The following DAPK1 variants were observed in gnomAD, a reference collection of about 807,000 sequenced individuals.
DAPK1 encodes death-associated protein kinase 1.
A neutral mutation model predicts 144.9 loss-of-function variants in DAPK1; 56 were observed. The observed-to-expected ratio is 0.39, with a 90% CI of 0.31 to 0.48. The LOEUF (loss-of-function observed/expected upper bound fraction) is 0.48, where lower values mean the gene tolerates loss of function less well. Ranked by LOEUF, DAPK1 falls within the 20% of genes least tolerant of loss-of-function variation. The pLI is 0.95. For missense variants in DAPK1, 1,454 were observed against 1,875.4 expected (o/e 0.78, Z 4.15); for synonymous variants, 690 against 749.0 (o/e 0.92, Z 1.29).
chr9:87,599,685 T>C (rs1828442503), intron 2 of DAPK1, among the ~76,000 whole-genome samples: 1 of 152,222 alleles, frequency 6.6e-6, no homozygotes, highest in Non-Finnish European at 1.5e-5. Context: ...CTGTCAGTTA[T>C]TAAACGATGG....
At chr9:87,592,122 G>T (rs1161949010) in intron 2 of DAPK1, among the ~76,000 whole-genome samples, 1 of 151,520 alleles carries the variant, frequency 6.6e-6, no homozygotes, top group Non-Finnish European at 1.5e-5. Context: ...GACAAGCACA[G>T]CCTCTTGATC....
chr9:87,633,403 A>G (rs568049335), intron 3 of DAPK1: 94 of 985,142 alleles, frequency 9.5e-5, no homozygotes, highest in Non-Finnish European at 9.4e-5. Flanking sequence ...GCATCAGTTG[A>G]TAAGTCCTGA....
At chr9:87,649,604 G>C (rs36213699) in intron 15 of DAPK1, among the ~76,000 whole-genome samples, 3 of 152,178 alleles carry the variant, frequency 2.0e-5, no homozygotes, top group Non-Finnish European at 2.9e-5. Context: ...CAGACAAGCA[G>C]GGCCGATGGT....
At chr9:87,596,980 G>A (rs541842810) in intron 2 of DAPK1, among the ~76,000 whole-genome samples, 16 of 152,164 alleles carry the variant, frequency 1.1e-4, no homozygotes, top group East Asian at 9.7e-4. Context: ...TGTCCATGAC[G>A]GCTCACGCAC....
chr9:87,575,283 G>T (rs1827515112), intron 2 of DAPK1, among the ~76,000 whole-genome samples: 1 of 139,974 alleles, frequency 7.1e-6, no homozygotes. Context: ...AAGGTAAAAG[G>T]CAAGATGCAT....
intron 3 of DAPK1, among the ~76,000 whole-genome samples, chr9:87,637,107 G>GT (rs967484413): frequency 2.7e-5 from 4 of 148,710 alleles, no homozygotes; most frequent in South Asian, 4.2e-4. Flanking sequence ...CTTTTTTTTT[G>GT]TTTTTTTGAG....
In DAPK1 at chr9:87,708,578, T is replaced by C. The variant is rs1317285238; in HGVS notation, c.*1214T>C. On this transcript the variant is annotated 3_prime_UTR_variant, in exon 26 of 26. Transcript: ENST00000408954. ...TTTTTACTTAATCTATAAAATGTCGTTAAAAAGTTGTTTGTTTTTTTCTTT... is the reference window on the plus strand; with the variant it reads ...TTTTTACTTAATCTATAAAATGTCGCTAAAAAGTTGTTTGTTTTTTTCTTT... 1 of 152,622 alleles carries C rather than the reference T, an allele frequency of 6.6e-6. No individual in the cohort carries two copies. Among genetic ancestry groups the C allele is most frequent in the Non-Finnish European group, 1.5e-5 (1 of 68,040 alleles). The allele number at this position is 152,622 out of a possible 1,614,324, so 9.5% of individuals were successfully genotyped here.
chr9:87,706,401 C>T lies in DAPK1; in HGVS notation c.3330C>T (p.Asp1110=), dbSNP rs1286567289. 3 of 1,612,498 alleles carry T rather than the reference C, an allele frequency of 1.9e-6. No homozygotes were observed. The highest frequency in any genetic ancestry group is 1.7e-6 in the Non-Finnish European group (2 of 1,179,240). ...ACGTCCCAGCCCTGATCAAGACAGACAACCTGCACCGCTCCTGGGCTGATG... is the reference window on the plus strand; with the variant it reads ...ACGTCCCAGCCCTGATCAAGACAGATAACCTGCACCGCTCCTGGGCTGATG... ...MVDVPALIKT[D]NLHRSWADEE... Residue 1110 remains aspartate, a synonymous_variant, in exon 26 of 26, where the codon GAC becomes GAT. Coordinates refer to ENST00000408954, the MANE Select transcript of DAPK1 (RefSeq NM_004938.4). This position sits in a 1 kb window ranked among gnomAD's most constrained non-coding sequence, Gnocchi z 9.0.
intron 2 of DAPK1, among the ~76,000 whole-genome samples, chr9:87,593,176 C>A (rs150348326): frequency 2.6e-5 from 4 of 152,284 alleles, no homozygotes; most frequent in African/African-American, 9.6e-5. Context: ...AATGGTGTCT[C>A]CCAAGCATGT....
chr9:87,704,329 A>G (rs1230561260), intron 25 of DAPK1, among the ~76,000 whole-genome samples: 1 of 152,170 alleles, frequency 6.6e-6, no homozygotes, highest in African/African-American at 2.4e-5. Flanking sequence ...TAGACCAGCA[A>G]CTTTCTAGAT....
chr9:87,512,442 T>C (rs1166144148), intron 2 of DAPK1, among the ~76,000 whole-genome samples: 1 of 152,064 alleles, frequency 6.6e-6, no homozygotes, highest in African/African-American at 2.4e-5. Flanking sequence ...GATGTGAAAA[T>C]GAGTGTTTTG....
chr9:87,612,094 C>G lies in DAPK1; in HGVS notation c.284+6919C>G, dbSNP rs557408470. Among the ~76,000 whole-genome samples, 4 of 152,262 alleles carry G rather than the reference C, an allele frequency of 2.6e-5. No individual in the cohort carries two copies. In the South Asian group the frequency reaches 8.3e-4, roughly 32 times the overall value. On this transcript the variant is annotated intron_variant, in intron 3 of 25. Coordinates refer to ENST00000408954, the MANE Select transcript of DAPK1 (RefSeq NM_004938.4). ...GAGGGCAAGAGCCCACTCCCAGGAG[C>G]CCTTTTTTAAAGGTACTAAACTGAC...
In DAPK1 at chr9:87,666,140, G is replaced by C. The variant is rs188556424; in HGVS notation, c.1924-2457G>C. 1.6e-3 allele frequency among the ~76,000 whole-genome samples: 239 copies of C among 152,288 alleles called. 1 individual carries two copies. Among genetic ancestry groups the C allele is most frequent in the African/African-American group, 5.5e-3 (228 of 41,558 alleles). On this transcript the variant is annotated intron_variant, in intron 18 of 25. Coordinates refer to ENST00000408954, the MANE Select transcript of DAPK1 (RefSeq NM_004938.4). ...TCTTCTGTGAATAATTTCCAACACT[G>C]CTTGCTTCTTCTGTGCCTGGCACTG... is the stretch of plus-strand genomic sequence containing the variant.
rs1824236041 is a variant in DAPK1 at position 87,497,968 on chromosome 9, G to GGCGCCTGGGAGGGATCT, written c.-242_-226dup. 2.5e-6 allele frequency: 1 copy of GGCGCCTGGGAGGGATCT among 396,874 alleles called. No homozygotes were observed. Among genetic ancestry groups the GGCGCCTGGGAGGGATCT allele is most frequent in the Non-Finnish European group, 4.4e-6 (1 of 225,432 alleles). The allele number at this position is 396,874 out of a possible 1,614,324, so 24.6% of individuals were successfully genotyped here. ...ACTCGCAGCGGCAGGGTCTGGGGCC[G>GGCGCCTGGGAGGGATCT]GCGCCTGGGAGGGATCTGCGCCCCC... On this transcript the variant is annotated 5_prime_UTR_variant, in exon 1 of 26. Transcript: ENST00000408954.
intron 3 of DAPK1, among the ~76,000 whole-genome samples, chr9:87,606,685 T>C: frequency 1.1e-5 from 1 of 91,704 alleles, no homozygotes. Flanking sequence ...TCCCTGTCCC[T>C]CCCTCTCTCC....
At chr9:87,580,140 A>G (rs1389829080) in intron 2 of DAPK1, among the ~76,000 whole-genome samples, 2 of 152,216 alleles carry the variant, frequency 1.3e-5, no homozygotes, top group Non-Finnish European at 2.9e-5. Flanking sequence ...CAGATAAAGC[A>G]GTTGAGGAGG....
At chr9:87,544,275 CATT>C (rs1410751107) in intron 2 of DAPK1, among the ~76,000 whole-genome samples, 2 of 152,096 alleles carry the variant, frequency 1.3e-5, no homozygotes, top group Non-Finnish European at 2.9e-5. Context: ...CAACATAATT[CATT>C]ATCTAAATTT....
chr9:87,605,867 T>A (rs1828697790), intron 3 of DAPK1, among the ~76,000 whole-genome samples: 1 of 152,102 alleles, frequency 6.6e-6, no homozygotes, highest in Admixed American at 6.5e-5. Context: ...TCCCTGTGGC[T>A]GAGTCCATCA....
intron 19 of DAPK1, among the ~76,000 whole-genome samples, chr9:87,675,886 CA>C (rs1305240140): frequency 8.0e-4 from 121 of 151,826 alleles, no homozygotes; most frequent in African/African-American, 2.8e-3. Context: ...CACACACACA[CA>C]CACACACACC....
Sources: allele counts gnomAD v4.1 joint callset (sites outside exome capture counted in the v4.1 genomes callset), GRCh38; gene constraint gnomAD v4.1.1; non-coding constraint Gnocchi (gnomAD v3.1); transcripts MANE v1.5; gene names NCBI Gene and HGNC (gene_info 2026-07-23, HGNC 2026-07-21).